Variants in PTPRS observed in about 807,000 individuals in gnomAD.
The protein encoded by PTPRS is receptor-type tyrosine-protein phosphatase S.
Under a neutral mutation model 215.3 loss-of-function variants are expected in PTPRS, and 63 were observed. The ratio of observed to expected loss-of-function variants is 0.29; its 90% confidence interval spans 0.24 to 0.36. The LOEUF (loss-of-function observed/expected upper bound fraction) is 0.36. Among genes scored for constraint, PTPRS ranks in the 10% least tolerant of loss-of-function variants. The pLI, the probability that PTPRS is intolerant of heterozygous loss-of-function variation, is 1.00. For missense variants in PTPRS, 2,258 were observed against 2,825.8 expected (o/e 0.80, Z 4.56); for synonymous variants, 1,404 against 1,191.4 (o/e 1.18, Z -3.68).
chr19:5,221,025 C>G lies in PTPRS; in HGVS notation c.3430G>C (p.Asp1144His). 1 of 1,612,244 alleles carries G rather than the reference C, an allele frequency of 6.2e-7. No homozygotes were observed. Among genetic ancestry groups the G allele is most frequent in the Non-Finnish European group, 8.5e-7 (1 of 1,179,018 alleles). Residue 1144 changes from aspartate (D) to histidine (H), a missense_variant, in exon 20 of 38, where the codon GAC becomes CAC. Physicochemically the swap from Asp to His is moderately conservative, Grantham distance 81 (BLOSUM62 -1). Coordinates refer to ENST00000262963, the MANE Select transcript of PTPRS (RefSeq NM_002850.4). ...TGGACAGGCACGGGGCTCTGGCCGTCAGGAAGATACACCATGATGAAGCCG... is the reference window on the plus strand; with the variant it reads ...TGGACAGGCACGGGGCTCTGGCCGTGAGGAAGATACACCATGATGAAGCCG... ...ADGFIMVYLPDGQSPVPVQSY... is the reference protein window; with the variant it reads ...ADGFIMVYLPHGQSPVPVQSY...
chr19:5,214,272 G>T (rs1218455453), intron 30 of PTPRS, 89 bp downstream of exon 30: 1 of 1,570,598 alleles, frequency 6.4e-7, no homozygotes, highest in Non-Finnish European at 8.7e-7. Flanking sequence ...CTGTCCCATG[G>T]GGAGCTCCCT....
At chr19:5,223,510 C>T (rs1165508743) in intron 17 of PTPRS, among the ~76,000 whole-genome samples, 5 of 151,920 alleles carry the variant, frequency 3.3e-5, no homozygotes, top group Non-Finnish European at 7.4e-5. Context: ...CCTGCCTCGG[C>T]CTCCCAAAGT....
rs1473619201 is a variant in PTPRS at position 5,310,354 on chromosome 19, A to G, written c.-94-24120T>C. Reference sequence around the variant, plus strand: ...TTTTTTTGAGATGGAGTCTTACTCTATCACCCAGGCTGGACTGCAGTGGCG... The same window carrying G: ...TTTTTTTGAGATGGAGTCTTACTCTGTCACCCAGGCTGGACTGCAGTGGCG... On this transcript the variant is annotated intron_variant, in intron 1 of 37. Coordinates refer to ENST00000262963, the MANE Select transcript of PTPRS (RefSeq NM_002850.4). 2.3e-5 allele frequency among the ~76,000 whole-genome samples: 3 copies of G among 129,798 alleles called. 1 individual carries two copies. The highest frequency in any genetic ancestry group is 3.0e-5 in the African/African-American group (1 of 33,450). 85.2% of individuals were successfully genotyped at this position (129,798 alleles called of 152,430 possible).
At chr19:5,270,932 C>A (rs922536153) in intron 4 of PTPRS, among the ~76,000 whole-genome samples, 2 of 152,172 alleles carry the variant, frequency 1.3e-5, no homozygotes, top group Non-Finnish European at 2.9e-5. Context: ...GGCCAAAGCA[C>A]AGGGCCTGAG....
chr19:5,236,465 C>A (rs1416364718), intron 13 of PTPRS, among the ~76,000 whole-genome samples: 2 of 152,190 alleles, frequency 1.3e-5, no homozygotes, highest in African/African-American at 2.4e-5. Flanking sequence ...CAAGTGCCCA[C>A]GATTTTAGAA....
chr19:5,255,880 C>T (rs986735506), intron 9 of PTPRS, among the ~76,000 whole-genome samples: 2 of 152,176 alleles, frequency 1.3e-5, no homozygotes, highest in African/African-American at 4.8e-5. Context: ...CTGAGATTTT[C>T]GTGTCTTTCT....
chr19:5,281,206 A>T (rs959573811), intron 2 of PTPRS, among the ~76,000 whole-genome samples: 62 of 151,768 alleles, frequency 4.1e-4, no homozygotes, highest in African/African-American at 1.4e-3. Flanking sequence ...CACGCCTGTA[A>T]TCCCAGCACT....
chr19:5,286,495 A>C (rs1372603653), intron 1 of PTPRS: 10 of 303,040 alleles, frequency 3.3e-5, no homozygotes, highest in African/African-American at 2.1e-4. Context: ...AGTGTTTGGG[A>C]AGTGACTAGG....
chr19:5,216,610 C>A, intron 26 of PTPRS, 110 bp downstream of exon 26: 3 of 954,478 alleles, frequency 3.1e-6, no homozygotes, highest in Admixed American at 4.4e-5. Flanking sequence ...GGGCAAAGGC[C>A]GGTGATGGGT....
chr19:5,305,939 C>CCAA, intron 1 of PTPRS, among the ~76,000 whole-genome samples: 1 of 22,644 alleles, frequency 4.4e-5, no homozygotes, highest in Non-Finnish European at 6.9e-5. Flanking sequence ...GACTCCGTCT[C>CCAA]AAAAAAAAAA....
At chr19:5,283,986 G>A (rs1001410142) in intron 2 of PTPRS, among the ~76,000 whole-genome samples, 5 of 151,940 alleles carry the variant, frequency 3.3e-5, no homozygotes, top group African/African-American at 1.2e-4. Flanking sequence ...AGGCTGAGGT[G>A]GGAGGATTGC....
chr19:5,277,031 T>C (rs945107642), intron 2 of PTPRS, among the ~76,000 whole-genome samples: 11 of 150,912 alleles, frequency 7.3e-5, no homozygotes, highest in Non-Finnish European at 1.3e-4. Context: ...TCCCCTAAGA[T>C]GAATGGAGCT....
chr19:5,274,184 C>G lies in PTPRS; in HGVS notation c.237+15G>C. 1 of 1,602,576 alleles carries G rather than the reference C, an allele frequency of 6.2e-7. No individual in the cohort carries two copies. Among genetic ancestry groups the G allele is most frequent in the Non-Finnish European group, 8.5e-7 (1 of 1,170,956 alleles). Reference sequence around the variant, plus strand: ...GAGCATTGACCCCAGGCTGCCTCCCCCTACCCCAACTCACCTCAAAGCGCT... The same window carrying G: ...GAGCATTGACCCCAGGCTGCCTCCCGCTACCCCAACTCACCTCAAAGCGCT... On this transcript the variant is annotated intron_variant, in intron 3 of 37. Coordinates refer to ENST00000262963, the MANE Select transcript of PTPRS (RefSeq NM_002850.4).
intron 1 of PTPRS, among the ~76,000 whole-genome samples, chr19:5,297,333 TAA>T (rs569621093): frequency 1.4e-4 from 21 of 151,912 alleles, no homozygotes; most frequent in Non-Finnish European, 2.6e-4. Flanking sequence ...AAGAAGAAAA[TAA>T]AAGTTACCCA....
In PTPRS at chr19:5,284,418, A is replaced by T. The variant is rs535404883; in HGVS notation, c.91+1632T>A. Among the ~76,000 whole-genome samples, 611 of 99,268 alleles carry T rather than the reference A, an allele frequency of 6.2e-3. 6 individuals are homozygous for T. The highest frequency in any genetic ancestry group is 0.019 in the African/African-American group (599 of 31,252). The allele number at this position is 99,268 out of a possible 152,430, so 65.1% of individuals were successfully genotyped here. On this transcript the variant is annotated intron_variant, in intron 2 of 37. Transcript: ENST00000262963. ...AAATAAATAAATAAATAAATAAATA[A>T]AAATTAGCCAGGTCAGGCACAGTGG...
intron 13 of PTPRS, among the ~76,000 whole-genome samples, chr19:5,235,245 T>A (rs1219345081): frequency 6.6e-6 from 1 of 152,064 alleles, no homozygotes; most frequent in East Asian, 1.9e-4. Flanking sequence ...CGGCCAATAG[T>A]TTTCATTTCT....
Position 5,339,946 on chromosome 19 carries a change from G to A in PTPRS, c.-95+718C>T, listed in dbSNP as rs1230303283. On this transcript the variant is annotated intron_variant, in intron 1 of 37. Coordinates refer to ENST00000262963, the MANE Select transcript of PTPRS (RefSeq NM_002850.4). The surrounding 1 kb of genome is among the most constrained non-coding windows in gnomAD (Gnocchi z 4.2). ...GGGGCTGAGGCTCGCCCCTGGGTGG[G>A]GAGGCTGGAAGGGGGCGCCGAGGCC... 6.6e-6 allele frequency among the ~76,000 whole-genome samples: 1 copy of A among 151,964 alleles called. No homozygotes were observed. The highest frequency in any genetic ancestry group is 2.4e-5 in the African/African-American group (1 of 41,428).
intron 4 of PTPRS, among the ~76,000 whole-genome samples, chr19:5,265,985 C>T (rs999488509): frequency 1.3e-5 from 2 of 152,028 alleles, no homozygotes; most frequent in African/African-American, 2.4e-5. Context: ...ATCAGCTGGA[C>T]GCGGTGGCTC....
At chr19:5,321,026 C>T (rs532903608) in intron 1 of PTPRS, among the ~76,000 whole-genome samples, 2 of 152,280 alleles carry the variant, frequency 1.3e-5, no homozygotes, top group East Asian at 1.9e-4. Context: ...CTGTGGGAGG[C>T]TGAGGCAGGA....
Sources: allele counts gnomAD v4.1 joint callset (sites outside exome capture counted in the v4.1 genomes callset), GRCh38; gene constraint gnomAD v4.1.1; non-coding constraint Gnocchi (gnomAD v3.1); transcripts MANE v1.5; gene names NCBI Gene and HGNC (gene_info 2026-07-23, HGNC 2026-07-21).